The following TSPAN15 variants were observed in gnomAD, a reference collection of about 807,000 sequenced individuals.
The protein encoded by TSPAN15 is tetraspanin 15.
In TSPAN15, 20 loss-of-function variants were observed where a neutral mutation model predicts 34.5. The observed-to-expected ratio is 0.58, with a 90% CI of 0.41 to 0.84. TSPAN15 has a LOEUF of 0.84. TSPAN15 is among the 40% of genes least tolerant of loss of function. The pLI, the probability that TSPAN15 is intolerant of heterozygous loss-of-function variation, is 0.00. For synonymous variants in TSPAN15, 155 were observed against 153.9 expected (o/e 1.01, Z -0.05); for missense variants, 313 against 386.1 (o/e 0.81, Z 1.59).
At chr10:69,464,826 A>G (rs1841347883) in intron 1 of TSPAN15, among the ~76,000 whole-genome samples, 1 of 152,212 alleles carries the variant, frequency 6.6e-6, no homozygotes, top group Admixed American at 6.5e-5. Flanking sequence ...GACAATCTCT[A>G]GTGTGCAGGG....
At chr10:69,520,755 A>G in the TSPAN15 span, among the ~76,000 whole-genome samples, 1 of 152,262 alleles carries the variant, frequency 6.6e-6, no homozygotes, top group Admixed American at 6.5e-5. Context: ...CATTTTGGCC[A>G]TTATGAACAA....
At chr10:69,467,193 A>G (rs1054721332) in intron 1 of TSPAN15, among the ~76,000 whole-genome samples, 5 of 152,138 alleles carry the variant, frequency 3.3e-5, no homozygotes, top group Admixed American at 6.5e-5. Context: ...AGTGAGGGGC[A>G]TGTTCTAAAG....
At chr10:69,499,354 G>C (rs1425091364) in intron 5 of TSPAN15, among the ~76,000 whole-genome samples, 1 of 152,186 alleles carries the variant, frequency 6.6e-6, no homozygotes, top group East Asian at 1.9e-4. Context: ...AAAAAGGCCG[G>C]GCCAGGAGGG....
the TSPAN15 span, among the ~76,000 whole-genome samples, chr10:69,521,161 C>A: frequency 6.6e-6 from 1 of 152,154 alleles, no homozygotes; most frequent in East Asian, 1.9e-4. Context: ...AAGAAGATCT[C>A]CTTCCCCAGC....
At chr10:69,511,836 A>G (rs1342549348), downstream of TSPAN15, among the ~76,000 whole-genome samples, 1 of 152,078 alleles carries the variant, frequency 6.6e-6, no homozygotes, top group Non-Finnish European at 1.5e-5. Flanking sequence ...AAACTGACAC[A>G]GGAACAGAAA....
At chr10:69,509,187 C>T (rs1043423875), downstream of TSPAN15, among the ~76,000 whole-genome samples, 4 of 152,108 alleles carry the variant, frequency 2.6e-5, no homozygotes, top group Non-Finnish European at 5.9e-5. Flanking sequence ...CCCTGGAACC[C>T]GGACCCCTTG....
At chr10:69,520,863 G>A in the TSPAN15 span, among the ~76,000 whole-genome samples, 1 of 152,144 alleles carries the variant, frequency 6.6e-6, no homozygotes, top group African/African-American at 2.4e-5. Context: ...TGGTCATATG[G>A]TAATTCTACA....
chr10:69,543,794 C>A, the TSPAN15 span, among the ~76,000 whole-genome samples: 1 of 147,402 alleles, frequency 6.8e-6, no homozygotes, highest in African/African-American at 2.5e-5. Flanking sequence ...GGCCTCACAG[C>A]CTGGAGAAAG....
At chr10:69,488,172 A>AT (rs1238276118) in intron 3 of TSPAN15, among the ~76,000 whole-genome samples, 5 of 151,680 alleles carry the variant, frequency 3.3e-5, no homozygotes, top group Admixed American at 6.6e-5. Context: ...TTGGCTCTCA[A>AT]TTTTTTTTTA....
At chr10:69,483,083 G>T (rs1269356753) in intron 1 of TSPAN15, among the ~76,000 whole-genome samples, 1 of 152,100 alleles carries the variant, frequency 6.6e-6, no homozygotes, top group African/African-American at 2.4e-5. Flanking sequence ...CCACCTCCTG[G>T]GTTCACGCCA....
chr10:69,509,865 G>A (rs746658169), downstream of TSPAN15, among the ~76,000 whole-genome samples: 1 of 151,880 alleles, frequency 6.6e-6, no homozygotes, highest in Non-Finnish European at 1.5e-5. Context: ...CCCCATTGCA[G>A]GTTTGTCAAA....
the TSPAN15 span, among the ~76,000 whole-genome samples, chr10:69,548,368 A>G: frequency 6.6e-6 from 1 of 152,248 alleles, no homozygotes; most frequent in Admixed American, 6.5e-5. Flanking sequence ...CTTACTCCTG[A>G]TGTTTCTTTC....
intron 1 of TSPAN15, among the ~76,000 whole-genome samples, chr10:69,462,164 T>TTG (rs576737502): frequency 0.011 from 1,369 of 128,250 alleles, 58 homozygotes; most frequent in South Asian, 0.084. Context: ...AGTTTTTTTT[T>TTG]TTTTTTTTTT....
the TSPAN15 span, among the ~76,000 whole-genome samples, chr10:69,518,652 G>A: frequency 2.0e-5 from 3 of 152,320 alleles, no homozygotes; most frequent in South Asian, 2.1e-4. Flanking sequence ...TCGAACTCCT[G>A]ACCTCGTGAT....
At chr10:69,487,944 C>CA (rs2133121857) in intron 3 of TSPAN15, among the ~76,000 whole-genome samples, 1 of 152,334 alleles carries the variant, frequency 6.6e-6, no homozygotes. Context: ...GAAGGGTCCT[C>CA]ACTGACGCCT....
the TSPAN15 span, among the ~76,000 whole-genome samples, chr10:69,517,332 A>T: frequency 1.3e-5 from 2 of 152,252 alleles, no homozygotes; most frequent in African/African-American, 2.4e-5. Flanking sequence ...CCTGCGCTTG[A>T]GGCAGTTCTT....
intron 1 of TSPAN15, among the ~76,000 whole-genome samples, chr10:69,460,299 C>T (rs950070152): frequency 3.9e-5 from 6 of 152,120 alleles, no homozygotes; most frequent in East Asian, 1.9e-4. Flanking sequence ...CCAGGCAGGC[C>T]GTCTGAGAAG....
At chr10:69,458,693 C>A (rs368586749) in intron 1 of TSPAN15, among the ~76,000 whole-genome samples, 1 of 152,092 alleles carries the variant, frequency 6.6e-6, no homozygotes, top group Non-Finnish European at 1.5e-5. Flanking sequence ...GGCCACAGAG[C>A]CTTTAAAATC....
In TSPAN15 at chr10:69,451,647, T is replaced by C; in HGVS notation, c.53T>C (p.Leu18Pro). ...CGCTACTGCGCGCGCTTCTCCTACC[T>C]CTGGCTCAAGTTTTCACTTATCATC... is the stretch of plus-strand genomic sequence containing the variant. ...QVRYCARFSY[L>P]WLKFSLIIYS... The change falls in exon 1 of 8, where the codon CTC (leucine) becomes CCC (proline). Residue 18 changes from leucine to proline, a missense_variant. Transcript: ENST00000373290. 1 of 1,547,208 alleles carries C rather than the reference T, an allele frequency of 6.5e-7. No individual in the cohort carries two copies. Among genetic ancestry groups the C allele is most frequent in the Non-Finnish European group, 8.7e-7 (1 of 1,145,290 alleles).
Sources: gnomAD v4.1 joint callset for allele counts (sites outside exome capture counted in the v4.1 genomes callset) on GRCh38, gnomAD v4.1.1 for gene constraint, MANE v1.5 for transcripts, NCBI Gene and HGNC (gene_info 2026-07-23, HGNC 2026-07-21) for gene names.